Variants in TYW1B observed in about 807,000 individuals in gnomAD.
TYW1B encodes tRNA-yW synthesizing protein 1 homolog B, also known as S-adenosyl-L-methionine-dependent tRNA 4-demethylwyosine synthase TYW1B.
Under a neutral mutation model 86.9 loss-of-function variants are expected in TYW1B, and 73 were observed. That is an observed-to-expected ratio of 0.84 (90% CI 0.70 to 1.02). TYW1B has a LOEUF of 1.02. TYW1B is among the 50% of genes least tolerant of loss of function. The pLI is 0.00. For missense variants in TYW1B, 637 were observed against 827.4 expected (o/e 0.77, Z 2.82); for synonymous variants, 248 against 292.8 (o/e 0.85, Z 1.56).
chr7:72,796,976 G>C (rs1554474561), intron 6 of TYW1B, among the ~76,000 whole-genome samples: 2 of 75,726 alleles, frequency 2.6e-5, no homozygotes, highest in Admixed American at 1.3e-4. Flanking sequence ...GCTAATTTTT[G>C]TATTTTTTTT....
chr7:72,781,505 T>C (rs1788049608), intron 6 of TYW1B, among the ~76,000 whole-genome samples: 2 of 152,092 alleles, frequency 1.3e-5, no homozygotes, highest in Non-Finnish European at 1.5e-5. Context: ...TCTTCCTATC[T>C]CCTTGCCAGT....
chr7:72,578,297 A>C (rs1213305717), intron 13 of TYW1B, among the ~76,000 whole-genome samples: 1 of 151,882 alleles, frequency 6.6e-6, no homozygotes, highest in Non-Finnish European at 1.5e-5. Context: ...TTGTATTTTT[A>C]ATAGAGACGG....
intron 11 of TYW1B, among the ~76,000 whole-genome samples, chr7:72,681,033 C>T (rs1181512447): frequency 6.6e-6 from 1 of 152,116 alleles, no homozygotes. Flanking sequence ...TTTGTCTAGA[C>T]CCTATAAGGT....
intron 13 of TYW1B, among the ~76,000 whole-genome samples, chr7:72,606,362 AC>A (rs1378845573): frequency 6.6e-6 from 1 of 152,044 alleles, no homozygotes; most frequent in Non-Finnish European, 1.5e-5. Context: ...CTAGACTCCC[AC>A]CTTCACCTGG....
At chr7:72,795,511 G>A (rs1158281262) in intron 6 of TYW1B, among the ~76,000 whole-genome samples, 2 of 149,944 alleles carry the variant, frequency 1.3e-5, no homozygotes, top group African/African-American at 2.5e-5. Context: ...TTTTTGACGC[G>A]AAACTACAGA....
intron 2 of TYW1B, among the ~76,000 whole-genome samples, chr7:72,825,051 G>A (rs564448976): frequency 6.9e-6 from 1 of 145,944 alleles, no homozygotes; most frequent in Non-Finnish European, 1.5e-5. Context: ...TGCAGTGAGT[G>A]AAGATGGCAC....
chr7:72,804,037 C>A (rs1204969394), intron 5 of TYW1B, among the ~76,000 whole-genome samples: 2 of 151,938 alleles, frequency 1.3e-5, no homozygotes, highest in Non-Finnish European at 2.9e-5. Flanking sequence ...GTAATCCCAG[C>A]ACTTTGGGAG....
intron 2 of TYW1B, among the ~76,000 whole-genome samples, chr7:72,819,922 G>T (rs1397583745): frequency 2.0e-5 from 3 of 152,188 alleles, no homozygotes; most frequent in African/African-American, 4.8e-5. Flanking sequence ...CAGTGGACCT[G>T]TCAGCAGAAA....
chr7:72,652,725 G>A (rs1306007633), intron 11 of TYW1B, among the ~76,000 whole-genome samples: 2 of 152,112 alleles, frequency 1.3e-5, no homozygotes, highest in African/African-American at 2.4e-5. Context: ...ATATGTTATT[G>A]TTTATAAAGC....
intron 7 of TYW1B, among the ~76,000 whole-genome samples, chr7:72,767,361 C>G (rs180731978): frequency 6.6e-6 from 1 of 152,252 alleles, no homozygotes; most frequent in African/African-American, 2.4e-5. Flanking sequence ...AATACCAGCA[C>G]TTTGGGAGAC....
intron 9 of TYW1B, among the ~76,000 whole-genome samples, chr7:72,726,793 G>A (rs1164837006): frequency 2.6e-5 from 4 of 152,178 alleles, no homozygotes; most frequent in African/African-American, 9.6e-5. Context: ...AACTGCCGGA[G>A]ACGGGGTAAT....
At chr7:72,627,607 T>G (rs1370060976) in intron 12 of TYW1B, among the ~76,000 whole-genome samples, 1 of 152,164 alleles carries the variant, frequency 6.6e-6, no homozygotes, top group Non-Finnish European at 1.5e-5. Flanking sequence ...CATTTACCCT[T>G]TGACCCAGCA....
Position 72,732,186 on chromosome 7 carries a change from C to T in TYW1B, c.1083-3255G>A, listed in dbSNP as rs13310176. 3.9e-5 allele frequency among the ~76,000 whole-genome samples: 6 copies of T among 152,078 alleles called. No homozygotes were observed. The South Asian group carries it at 6.2e-4, about 16-fold the overall frequency. On this transcript the variant is annotated intron_variant, in intron 8 of 13. Transcript: ENST00000620995. Reference sequence around the variant, plus strand: ...AGATAGACTCTACTACCATAATAGTCGGGGGCATCAACATCACACTCTCTC... The same window carrying T: ...AGATAGACTCTACTACCATAATAGTTGGGGGCATCAACATCACACTCTCTC...
intron 9 of TYW1B, among the ~76,000 whole-genome samples, chr7:72,715,910 T>C (rs1483321734): frequency 3.3e-5 from 5 of 152,066 alleles, no homozygotes; most frequent in Non-Finnish European, 5.9e-5. Context: ...CCGACTCCTA[T>C]TGGACATCTT....
chr7:72,608,933 CA>C, intron 13 of TYW1B, among the ~76,000 whole-genome samples: 1 of 152,288 alleles, frequency 6.6e-6, no homozygotes, highest in Non-Finnish European at 1.5e-5. Flanking sequence ...AATCTACACA[CA>C]AAACGGCACA....
intron 11 of TYW1B, among the ~76,000 whole-genome samples, chr7:72,657,629 AAG>A (rs1474188334): frequency 6.6e-6 from 1 of 152,218 alleles, no homozygotes; most frequent in Non-Finnish European, 1.5e-5. Context: ...CCATTAGACT[AAG>A]AGCAAATTTC....
chr7:72,647,269 AACGT>A (rs1812950993), intron 11 of TYW1B, among the ~76,000 whole-genome samples: 1 of 152,230 alleles, frequency 6.6e-6, no homozygotes, highest in Non-Finnish European at 1.5e-5. Context: ...ATTCAGTACC[AACGT>A]TTAGAAAAGT....
intron 10 of TYW1B, among the ~76,000 whole-genome samples, chr7:72,709,616 C>A (rs1456255216): frequency 6.6e-6 from 1 of 151,972 alleles, no homozygotes; most frequent in African/African-American, 2.4e-5. Context: ...TGTAGTGAGC[C>A]GAGATGGCGC....
At chr7:72,779,566 A>C (rs1788014399) in intron 6 of TYW1B, among the ~76,000 whole-genome samples, 1 of 151,830 alleles carries the variant, frequency 6.6e-6, no homozygotes. Flanking sequence ...AAAATACAAA[A>C]ATTAGTCAGG....
Sources: gnomAD v4.1 joint callset for allele counts (sites outside exome capture counted in the v4.1 genomes callset) on GRCh38, gnomAD v4.1.1 for gene constraint, MANE v1.5 for transcripts, NCBI Gene and HGNC (gene_info 2026-07-23, HGNC 2026-07-21) for gene names.